Variants in PXK observed in about 807,000 individuals in gnomAD.
PXK encodes PX domain containing serine/threonine kinase like, also known as PX domain-containing protein kinase-like protein.
In PXK, 35 loss-of-function variants were observed where a neutral mutation model predicts 84.7. That is an observed-to-expected ratio of 0.41 (90% CI 0.32 to 0.55). The LOEUF (loss-of-function observed/expected upper bound fraction) is 0.55, where lower values mean the gene tolerates loss of function less well. PXK is among the 20% of genes least tolerant of loss of function. The pLI, the probability that PXK is intolerant of heterozygous loss-of-function variation, is 0.21. For missense variants in PXK, 634 were observed against 699.7 expected, an observed-to-expected ratio of 0.91 and a Z score of 1.06; for synonymous variants, 253 against 260.8, an observed-to-expected ratio of 0.97 and a Z score of 0.29.
At position 58,383,352 on chromosome 3, in the gene PXK, T is replaced by G. The variant is rs2098523096; in HGVS notation, c.388+652T>G. Among the ~76,000 whole-genome samples the G allele has an allele frequency of 6.6e-6, 1 of 152,210 alleles. No individual in the cohort carries two copies. The highest frequency in any genetic ancestry group is 1.5e-5 in the Non-Finnish European group (1 of 68,028). ...ACGCATACAGTAATTTTTATATTAC[T>G]TTTGACCTCTAATCAACACCTTATA... On this transcript the variant is annotated intron_variant, in intron 4 of 17. Transcript: ENST00000356151. The surrounding 1 kb of genome is among the most constrained non-coding windows in gnomAD (Gnocchi z 4.0).
intron 2 of PXK, 83 bp downstream of exon 2, chr3:58,366,007 T>C (rs769478969): frequency 3.6e-4 from 421 of 1,174,588 alleles, no homozygotes; most frequent in Non-Finnish European, 4.7e-4. Context: ...CCTCTGAAAG[T>C]CTGGAAAAAT....
intron 1 of PXK, among the ~76,000 whole-genome samples, chr3:58,340,571 A>G (rs1458566190): frequency 6.6e-6 from 1 of 152,068 alleles, no homozygotes; most frequent in African/African-American, 2.4e-5. Flanking sequence ...TACTAAAAAT[A>G]CAAAATTAGC....
chr3:58,340,564 T>G (rs2097711910), intron 1 of PXK, among the ~76,000 whole-genome samples: 1 of 151,902 alleles, frequency 6.6e-6, no homozygotes, highest in African/African-American at 2.4e-5. Flanking sequence ...CCATTTCTAC[T>G]AAAAATACAA....
At chr3:58,422,899 T>A (rs2062142913) in intron 17 of PXK, 2 of 985,078 alleles carry the variant, frequency 2.0e-6, no homozygotes, top group Admixed American at 1.2e-4. Context: ...CTGCCGGGGG[T>A]CAAAGCACAA....
chr3:58,382,357 C>T (rs1267974301), intron 3 of PXK, among the ~76,000 whole-genome samples, 157 bp from the exon 4 acceptor site: 1 of 152,110 alleles, frequency 6.6e-6, no homozygotes, highest in African/African-American at 2.4e-5. Flanking sequence ...TTTATCAATT[C>T]TAAATGCAGT....
intron 17 of PXK, among the ~76,000 whole-genome samples, chr3:58,418,899 C>T (rs533914919): frequency 3.7e-4 from 56 of 152,160 alleles, no homozygotes; most frequent in African/African-American, 1.3e-3. Flanking sequence ...AAATTCAACT[C>T]GCAAAACAGA....
rs989461063 is a variant in PXK at position 58,416,089 on chromosome 3, C to T, written c.1528+3126C>T. On this transcript the variant is annotated intron_variant, in intron 17 of 17. Transcript: ENST00000356151. This position sits in a 1 kb window ranked among gnomAD's most constrained non-coding sequence, Gnocchi z 4.8. ...AGGACGGTGGGATTGATAATAGGTA[C>T]AGTTTAGTCTTCTTTTCCTCCTAAT... is the stretch of plus-strand genomic sequence containing the variant. Among the ~76,000 whole-genome samples, 5 of 152,170 alleles carry T rather than the reference C, an allele frequency of 3.3e-5. No individual in the cohort carries two copies. Among genetic ancestry groups the T allele is most frequent in the Admixed American group, 3.3e-4 (5 of 15,278 alleles).
chr3:58,374,470 G>A (rs766550593), intron 3 of PXK, among the ~76,000 whole-genome samples: 38 of 152,140 alleles, frequency 2.5e-4, no homozygotes, highest in Admixed American at 1.8e-3. Flanking sequence ...CACGGCGCCT[G>A]GCCTCCCCTT....
chr3:58,341,711 C>CTTTTCT (rs1553742357), intron 1 of PXK, among the ~76,000 whole-genome samples: 2,946 of 147,182 alleles, frequency 0.02, 111 homozygotes, highest in African/African-American at 0.07. Context: ...CTTTTCTTTT[C>CTTTTCT]TTTTTTTTTT....
chr3:58,404,044 A>G, intron 13 of PXK, 134 bp downstream of exon 13: 1 of 472,720 alleles, frequency 2.1e-6, no homozygotes, highest in Non-Finnish European at 3.6e-6. Flanking sequence ...TCCTACAATT[A>G]GGGGCTAGTT....
rs1486209607 is a variant in PXK at position 58,390,975 on chromosome 3, T to TTTTAAGTATAGCCTTTACTA, written c.467-170_467-151dup. Among the ~76,000 whole-genome samples the TTTTAAGTATAGCCTTTACTA allele has an allele frequency of 6.6e-6, 1 of 152,234 alleles. No homozygotes were observed. The highest frequency in any genetic ancestry group is 1.5e-5 in the Non-Finnish European group (1 of 68,034). On this transcript the variant is annotated intron_variant, in intron 5 of 17. Transcript: ENST00000356151. The surrounding 1 kb of genome is among the most constrained non-coding windows in gnomAD (Gnocchi z 4.2). ...AATAATTTCTTCATTTACTGTTTCT[T>TTTTAAGTATAGCCTTTACTA]TTTAAGTATAGCCTTTACTATGCCA...
At position 58,370,217 on chromosome 3, in the gene PXK, T is replaced by C. The variant is rs2098344663; in HGVS notation, c.201+739T>C. 6.6e-6 allele frequency among the ~76,000 whole-genome samples: 1 copy of C among 152,220 alleles called. No individual in the cohort carries two copies. The highest frequency in any genetic ancestry group is 1.5e-5 in the Non-Finnish European group (1 of 68,036). ...GTCTCAACCTTTTTCTGTTTAACTTTTTTATCCTAAATATGTAGTTAGAAA... is the reference window on the plus strand; with the variant it reads ...GTCTCAACCTTTTTCTGTTTAACTTCTTTATCCTAAATATGTAGTTAGAAA... On this transcript the variant is annotated intron_variant, in intron 3 of 17. Coordinates refer to ENST00000356151, the MANE Select transcript of PXK (RefSeq NM_017771.5). This position sits in a 1 kb window ranked among gnomAD's most constrained non-coding sequence, Gnocchi z 4.2.
intron 1 of PXK, among the ~76,000 whole-genome samples, chr3:58,363,252 A>G (rs754625544): frequency 6.6e-5 from 10 of 152,230 alleles, no homozygotes; most frequent in South Asian, 2.1e-4. Context: ...TGTATTTCTA[A>G]TTTATACCTA....
intron 1 of PXK, among the ~76,000 whole-genome samples, chr3:58,336,106 T>A (rs2097603748): frequency 7.0e-6 from 1 of 143,060 alleles, no homozygotes. Flanking sequence ...AATGGGGTTC[T>A]TGCTGTGTTG....
At chr3:58,423,343 G>A in intron 17 of PXK, 2 of 1,470,906 alleles carry the variant, frequency 1.4e-6, no homozygotes, top group Non-Finnish European at 1.8e-6. Flanking sequence ...TTATTGTGTA[G>A]AACCAATGAA....
At chr3:58,382,981 A>G (rs2098518608) in intron 4 of PXK, among the ~76,000 whole-genome samples, 2 of 152,210 alleles carry the variant, frequency 1.3e-5, no homozygotes, top group Non-Finnish European at 2.9e-5. Context: ...GTCTTCCCTG[A>G]CAGAACAGAG....
chr3:58,425,334 C>A lies in PXK; in HGVS notation c.*374C>A. 4.8e-6 allele frequency: 1 copy of A among 207,876 alleles called. No individual in the cohort carries two copies. Among genetic ancestry groups the A allele is most frequent in the South Asian group, 7.2e-5 (1 of 13,888 alleles). 12.9% of individuals were successfully genotyped at this position (207,876 alleles called of 1,614,324 possible). A position where few individuals can be genotyped will look rare whatever the true frequency, so the allele number is the denominator to read the frequency against. ...GGCCTTTGTGTTGCAATCCCTTCTA[C>A]CCCATCAGACAGCTCCTAGAAACAT... On this transcript the variant is annotated 3_prime_UTR_variant, in exon 18 of 18. Coordinates refer to ENST00000356151, the MANE Select transcript of PXK (RefSeq NM_017771.5).
chr3:58,397,047 G>A lies in PXK; in HGVS notation c.831G>A (p.Lys277=). 1.2e-6 allele frequency: 2 copies of A among 1,613,838 alleles called. No individual in the cohort carries two copies. The highest frequency in any genetic ancestry group is 4.5e-5 in the East Asian group (2 of 44,896). Residue 277 remains lysine (K), a synonymous_variant, in exon 10 of 18, where the codon AAG becomes AAA. Coordinates refer to ENST00000356151, the MANE Select transcript of PXK (RefSeq NM_017771.5). The surrounding 1 kb of genome is among the most constrained non-coding windows in gnomAD (Gnocchi z 4.7). ...TYGRQILEVL[K]FLHDKGFPYG... The stretch of plus-strand genomic sequence containing the variant: ...CCCATATGTTTTGATAGGTACTGAA[G>A]TTTCTTCATGACAAGGGATTCCCTT...
rs1375623472 is a variant in PXK at position 58,416,561 on chromosome 3, G to A, written c.1528+3598G>A. ...CTTGGCAAATCTTTGATTTACATAG[G>A]CTTGCTCTGCCTTCAAGGCCTCTGC... On this transcript the variant is annotated intron_variant, in intron 17 of 17. Coordinates refer to ENST00000356151, the MANE Select transcript of PXK (RefSeq NM_017771.5). This position sits in a 1 kb window ranked among gnomAD's most constrained non-coding sequence, Gnocchi z 4.8. Among the ~76,000 whole-genome samples the A allele has an allele frequency of 1.3e-5, 2 of 150,160 alleles. No individual in the cohort carries two copies. The highest frequency in any genetic ancestry group is 4.0e-4 in the East Asian group (2 of 5,028).
Sources: allele counts gnomAD v4.1 joint callset (sites outside exome capture counted in the v4.1 genomes callset), GRCh38; gene constraint gnomAD v4.1.1; non-coding constraint Gnocchi (gnomAD v3.1); transcripts MANE v1.5; gene names NCBI Gene and HGNC (gene_info 2026-07-23, HGNC 2026-07-21).